RGS20: variants seen among roughly 807,000 people sequenced by gnomAD.
The protein encoded by RGS20 is gz-selective GTPase-activating protein.
Under a neutral mutation model 33.6 loss-of-function variants are expected in RGS20, and 30 were observed. The ratio of observed to expected loss-of-function variants is 0.89; its 90% CI spans 0.67 to 1.21. RGS20 has a LOEUF of 1.21. Among genes scored for constraint, RGS20 ranks in the 50% most tolerant of loss-of-function variants. The pLI, the probability that RGS20 is intolerant of heterozygous loss-of-function variation, is 0.00. For synonymous variants in RGS20, 208 were observed against 197.9 expected, an observed-to-expected ratio of 1.05 and a Z score of -0.43; for missense variants, 472 against 502.4, an observed-to-expected ratio of 0.94 and a Z score of 0.58.
chr8:53,891,032 C>T (rs759214590), intron 2 of RGS20, among the ~76,000 whole-genome samples: 7 of 152,204 alleles, frequency 4.6e-5, no homozygotes, highest in East Asian at 3.9e-4. Context: ...CCCATATGGC[C>T]GCCACATTTG....
rs569807178 is a variant in RGS20 at position 53,927,922 on chromosome 8, A to G, written c.511-11654A>G. On this transcript the variant is annotated intron_variant, in intron 2 of 5. Transcript: ENST00000297313. ...TTTTACAATCTTGTAAATAGGTAGC[A>G]TTTATATCAGTGGTATAATAAAAGA... Among the ~76,000 whole-genome samples, 4 of 152,348 alleles carry G rather than the reference A, an allele frequency of 2.6e-5. No homozygotes were observed. The East Asian group carries it at 7.7e-4, about 29-fold the overall frequency.
intron 2 of RGS20, among the ~76,000 whole-genome samples, chr8:53,893,079 A>C (rs149390632): frequency 6.6e-6 from 1 of 152,202 alleles, no homozygotes; most frequent in Admixed American, 6.5e-5. Context: ...ACTTCGTGTT[A>C]TATCAAGTAG....
intron 2 of RGS20, 92 bp from the exon 2 acceptor site, chr8:53,939,483 CT>C: frequency 7.5e-7 from 1 of 1,332,464 alleles, no homozygotes. Context: ...CGCACTGTAT[CT>C]TTTCAATGAT....
At chr8:53,908,750 G>A (rs1331268162) in intron 2 of RGS20, among the ~76,000 whole-genome samples, 1 of 152,020 alleles carries the variant, frequency 6.6e-6, no homozygotes. Flanking sequence ...GTAGCAGTGA[G>A]CTATAATTGC....
intron 4 of RGS20, among the ~76,000 whole-genome samples, chr8:53,948,270 T>C (rs1276716247): frequency 7.2e-6 from 1 of 139,840 alleles, no homozygotes; most frequent in Non-Finnish European, 1.5e-5. Context: ...TATATGTAAG[T>C]TATAGTATAT....
chr8:53,957,555 T>C (rs189254839), intron 5 of RGS20, among the ~76,000 whole-genome samples: 1,926 of 152,346 alleles, frequency 0.013, 41 homozygotes, highest in Non-Finnish European at 0.018. Flanking sequence ...AGGGGAAGCC[T>C]GGGCCTCCAG....
chr8:53,951,239 C>A (rs1370254660), intron 4 of RGS20, among the ~76,000 whole-genome samples: 1 of 152,192 alleles, frequency 6.6e-6, no homozygotes, highest in Non-Finnish European at 1.5e-5. Flanking sequence ...AGTCCCAGCA[C>A]TTTGGGAGAC....
At chr8:53,915,017 C>G (rs142882891) in intron 2 of RGS20, among the ~76,000 whole-genome samples, 2,411 of 151,936 alleles carry the variant, frequency 0.016, 53 homozygotes, top group African/African-American at 0.054. Flanking sequence ...TGGTGATGCA[C>G]GCCTGTAATC....
chr8:53,885,700 G>T (rs767529009), intron 2 of RGS20, among the ~76,000 whole-genome samples: 3 of 152,070 alleles, frequency 2.0e-5, no homozygotes, highest in Non-Finnish European at 4.4e-5. Context: ...TGTCTTCCAG[G>T]GGAGGTACTT....
intron 3 of RGS20, among the ~76,000 whole-genome samples, chr8:53,943,156 C>T (rs1196277744): frequency 2.0e-5 from 3 of 152,114 alleles, no homozygotes; most frequent in African/African-American, 7.2e-5. Context: ...TGGTGGCTCT[C>T]TCTAGGGTAA....
At chr8:53,868,733 G>T (rs79519760) in intron 1 of RGS20, among the ~76,000 whole-genome samples, 6,735 of 151,732 alleles carry the variant, frequency 0.044, 197 homozygotes, top group East Asian at 0.14. Flanking sequence ...TCCATGATAA[G>T]AAAATATAGC....
At chr8:53,892,237 T>G (rs1267148046) in intron 2 of RGS20, among the ~76,000 whole-genome samples, 1 of 152,242 alleles carries the variant, frequency 6.6e-6, no homozygotes, top group African/African-American at 2.4e-5. Flanking sequence ...TTTTTATGGC[T>G]GCATAGTATT....
intron 2 of RGS20, among the ~76,000 whole-genome samples, chr8:53,922,221 T>C (rs1267207146): frequency 2.0e-5 from 3 of 152,180 alleles, no homozygotes; most frequent in South Asian, 4.1e-4. Flanking sequence ...TTGTTGTATC[T>C]TCCTGAGACG....
At chr8:53,891,400 C>G (rs533264687) in intron 2 of RGS20, among the ~76,000 whole-genome samples, 21 of 152,272 alleles carry the variant, frequency 1.4e-4, no homozygotes, top group Admixed American at 3.9e-4. Context: ...GGGTGGATCA[C>G]TTGAGGTCAG....
At chr8:53,947,318 TATTA>T (rs1238088157) in intron 4 of RGS20, among the ~76,000 whole-genome samples, 1 of 140,882 alleles carries the variant, frequency 7.1e-6, no homozygotes, top group Non-Finnish European at 1.5e-5. Flanking sequence ...ATAGTATATA[TATTA>T]TATATGCTAT....
chr8:53,946,358 G>T (rs1049826042), intron 3 of RGS20, among the ~76,000 whole-genome samples: 1 of 151,952 alleles, frequency 6.6e-6, no homozygotes, highest in Non-Finnish European at 1.5e-5. Flanking sequence ...CCACCGCGCC[G>T]AACCCTTTTT....
At chr8:53,906,811 C>T (rs1416249092) in intron 2 of RGS20, among the ~76,000 whole-genome samples, 1 of 152,048 alleles carries the variant, frequency 6.6e-6, no homozygotes, top group Non-Finnish European at 1.5e-5. Flanking sequence ...TTTGAACAGG[C>T]TTAAAAAAGT....
At chr8:53,921,567 T>C (rs1415288284) in intron 2 of RGS20, among the ~76,000 whole-genome samples, 1 of 152,084 alleles carries the variant, frequency 6.6e-6, no homozygotes, top group African/African-American at 2.4e-5. Context: ...TCTTCTTTAG[T>C]TAATTTTGTT....
rs530956676 is a variant in RGS20, at chr8:53,897,531, T to C, written c.510+17929T>C. 3.2e-4 allele frequency among the ~76,000 whole-genome samples: 49 copies of C among 152,374 alleles called. No homozygotes were observed. In the South Asian group the frequency reaches 9.9e-3, roughly 31 times the overall value. ...CTAAGCATACTTTATAATATCCATA[T>C]AGTAACCACAATACATTTGTCATAC... is the stretch of plus-strand genomic sequence containing the variant. On this transcript the variant is annotated intron_variant, in intron 2 of 5. Coordinates refer to ENST00000297313, the MANE Select transcript of RGS20 (RefSeq NM_170587.4).
Sources: allele counts gnomAD v4.1 joint callset (sites outside exome capture counted in the v4.1 genomes callset), GRCh38; gene constraint gnomAD v4.1.1; transcripts MANE v1.5; gene names NCBI Gene and HGNC (gene_info 2026-07-23, HGNC 2026-07-21).